BRWD1: variants seen among roughly 807,000 people sequenced by gnomAD.
The protein encoded by BRWD1 is bromodomain and WD repeat domain containing 1.
BRWD1 carries 82 observed loss-of-function variants against 251.2 expected under a neutral mutation model. The observed-to-expected ratio is 0.33, with a 90% CI of 0.27 to 0.39. The LOEUF (loss-of-function observed/expected upper bound fraction) is 0.39. Ranked by LOEUF, BRWD1 falls within the 10% of genes least tolerant of loss-of-function variation. BRWD1 has a pLI of 1.00. For missense variants in BRWD1, 2,233 were observed against 2,711.6 expected (o/e 0.82, Z 3.92); for synonymous variants, 918 against 902.8 (o/e 1.02, Z -0.30).
intron 13 of BRWD1, among the ~76,000 whole-genome samples, chr21:39,272,692 C>T (rs1009700048): frequency 2.7e-5 from 4 of 150,852 alleles, no homozygotes; most frequent in Non-Finnish European, 5.9e-5. Context: ...ACTGAAACCT[C>T]TATCTCCTGG....
At chr21:39,268,049 A>G (rs997228037) in intron 15 of BRWD1, among the ~76,000 whole-genome samples, 1 of 152,258 alleles carries the variant, frequency 6.6e-6, no homozygotes, top group African/African-American at 2.4e-5. Flanking sequence ...CACTGTGTGC[A>G]AAGACACCAA....
In BRWD1 at chr21:39,264,303, T is replaced by C. The variant is rs183731950; in HGVS notation, c.1885+157A>G. 2.7e-3 allele frequency among the ~76,000 whole-genome samples: 407 copies of C among 151,894 alleles called. 2 individuals are homozygous for C. The highest frequency in any genetic ancestry group is 9.5e-3 in the African/African-American group (395 of 41,436). On this transcript the variant is annotated intron_variant, in intron 17 of 40. Coordinates refer to ENST00000342449, the MANE Select transcript of BRWD1 (RefSeq NM_033656.4). The stretch of plus-strand genomic sequence containing the variant: ...GTAAATGGTACATGAGGTCCAGAAG[T>C]TAAATGGTTCAAAACAATACACAGA...
intron 17 of BRWD1, among the ~76,000 whole-genome samples, chr21:39,259,000 C>G (rs1299929617): frequency 6.6e-6 from 1 of 152,184 alleles, no homozygotes; most frequent in Non-Finnish European, 1.5e-5. Context: ...ATATATTTCA[C>G]TAAAATCTTA....
Position 39,192,736 on chromosome 21 carries a change from T to C in BRWD1, c.*3523A>G, listed in dbSNP as rs2031616285. On this transcript the variant is annotated 3_prime_UTR_variant, in exon 41 of 41. Coordinates refer to ENST00000342449, the MANE Select transcript of BRWD1 (RefSeq NM_033656.4). ...ATTTAAAAGTTACTCAAAAAATTGA[T>C]ACAATGGAGTGGAAAGGAAAACAAA... The C allele has an allele frequency of 1.0e-6, 1 of 984,988 alleles. No homozygotes were observed. The allele number at this position is 984,988 out of a possible 1,614,324, so 61.0% of individuals were successfully genotyped here. A position where few individuals can be genotyped will look rare whatever the true frequency, so the allele number is the denominator to read the frequency against.
intron 4 of BRWD1, among the ~76,000 whole-genome samples, chr21:39,311,704 A>C (rs893539971): frequency 1.3e-5 from 2 of 152,240 alleles, no homozygotes; most frequent in Non-Finnish European, 2.9e-5. Context: ...TTTAGAACTC[A>C]TTCCCTTGAA....
intron 23 of BRWD1, 132 bp from the exon 24 acceptor site, chr21:39,232,630 A>C (rs1416630216): frequency 2.1e-6 from 2 of 972,514 alleles, no homozygotes; most frequent in Non-Finnish European, 3.0e-6. Flanking sequence ...ATTAGTTTTC[A>C]CACAGCATAT....
In BRWD1 at chr21:39,199,299, T is replaced by A; in HGVS notation, c.5117A>T (p.His1706Leu). 1 of 1,614,238 alleles carries A rather than the reference T, an allele frequency of 6.2e-7. No homozygotes were observed. The highest frequency in any genetic ancestry group is 2.2e-5 in the East Asian group (1 of 44,888). ...TTCATCAACATTGCTCTGGGCAGTG[T>A]GAGAACTGGACACTGGTAATAGTTG... The part of the protein sequence containing the change: ...ENQLLPVSSS[H>L]TAQSNVDESE... Residue 1706 changes from histidine to leucine, a missense_variant, in exon 40 of 41, where the codon CAC becomes CTC. Physicochemically the swap from His to Leu is moderately conservative, Grantham distance 99. Around this residue, in one of 12 missense-constraint regions of BRWD1, gnomAD observed 928 missense variants for 970.0 expected, o/e 0.96. Coordinates refer to ENST00000342449, the MANE Select transcript of BRWD1 (RefSeq NM_033656.4).
chr21:39,191,176 G>C lies in BRWD1; in HGVS notation c.*5083C>G, dbSNP rs2031532384. On this transcript the variant is annotated 3_prime_UTR_variant, in exon 41 of 41. Transcript: ENST00000342449. ...CAATCTACCCTATTACTGTACTACT[G>C]GAAAGAAACCAGGCCACAGACAATC... 1 of 985,146 alleles carries C rather than the reference G, an allele frequency of 1.0e-6. No individual in the cohort carries two copies. Among genetic ancestry groups the C allele is most frequent in the Admixed American group, 6.2e-5 (1 of 16,250 alleles). 61.0% of individuals were successfully genotyped at this position (985,146 alleles called of 1,614,324 possible).
At chr21:39,304,685 G>A (rs955075597) in intron 4 of BRWD1, among the ~76,000 whole-genome samples, 3 of 151,978 alleles carry the variant, frequency 2.0e-5, no homozygotes, top group African/African-American at 4.8e-5. Context: ...CGCTGTTTAC[G>A]GGAGATAAAC....
At chr21:39,207,589 G>A (rs1302160547) in intron 36 of BRWD1, among the ~76,000 whole-genome samples, 1 of 152,082 alleles carries the variant, frequency 6.6e-6, no homozygotes, top group Non-Finnish European at 1.5e-5. Flanking sequence ...ATGGAAAACA[G>A]TGTAGTGGTT....
chr21:39,188,957 CTTCA>C lies in BRWD1; in HGVS notation c.*7298_*7301del. On this transcript the variant is annotated 3_prime_UTR_variant, in exon 41 of 41. Coordinates refer to ENST00000342449, the MANE Select transcript of BRWD1 (RefSeq NM_033656.4). ...CTCTCATGCAGCATGCCCTTACCTC[CTTCA>C]GCTGGACTCTGTGGGAAGAGAAGTG... 1.0e-6 allele frequency: 1 copy of C among 985,350 alleles called. No homozygotes were observed. The highest frequency in any genetic ancestry group is 1.2e-6 in the Non-Finnish European group (1 of 829,900). The allele number at this position is 985,350 out of a possible 1,614,324, so 61.0% of individuals were successfully genotyped here.
chr21:39,202,859 T>C (rs1568861252), intron 37 of BRWD1, among the ~76,000 whole-genome samples: 1 of 152,202 alleles, frequency 6.6e-6, no homozygotes, highest in Non-Finnish European at 1.5e-5. Flanking sequence ...ATTTACGTAA[T>C]ATAGGTATTC....
At position 39,207,485 on chromosome 21, in the gene BRWD1, A is replaced by AC. The variant is rs1350272514; in HGVS notation, c.4198-1212_4198-1211insG. Among the ~76,000 whole-genome samples, 488 of 120,182 alleles carry AC rather than the reference A, an allele frequency of 4.1e-3. 4 individuals are homozygous for AC. Among genetic ancestry groups the AC allele is most frequent in the African/African-American group, 9.2e-3 (280 of 30,560 alleles). 78.8% of individuals were successfully genotyped at this position (120,182 alleles called of 152,430 possible). On this transcript the variant is annotated intron_variant, in intron 36 of 40. Transcript: ENST00000342449. ...ACACACACACACACACACACACACA[A>AC]ACAAAACTCCAAAAACAACAAGTGT...
At chr21:39,231,058 T>G (rs946592543) in intron 25 of BRWD1, among the ~76,000 whole-genome samples, 5 of 152,188 alleles carry the variant, frequency 3.3e-5, no homozygotes, top group Admixed American at 3.3e-4. Context: ...CCAATGTATA[T>G]AAAGCCTAAC....
intron 27 of BRWD1, among the ~76,000 whole-genome samples, chr21:39,227,722 A>G (rs553156382): frequency 6.6e-6 from 1 of 152,294 alleles, no homozygotes; most frequent in African/African-American, 2.4e-5. Flanking sequence ...ATTTAAGTCT[A>G]CGTTGTTATG....
chr21:39,197,088 C>CA lies in BRWD1; in HGVS notation c.5980dup (p.Cys1994LeufsTer2). On this transcript the variant is annotated frameshift_variant, in exon 41 of 41. Transcript: ENST00000342449. LOFTEE classifies it low-confidence loss of function (END_TRUNC). ...GTCAGGATCAGGTGGCTTGCCTTCACAGGCATACTGTTCACTTGGTACTTC... is the reference window on the plus strand; with the variant it reads ...GTCAGGATCAGGTGGCTTGCCTTCACAAGGCATACTGTTCACTTGGTACTTC... 2 of 1,614,150 alleles carry CA rather than the reference C, an allele frequency of 1.2e-6. No homozygotes were observed. The highest frequency in any genetic ancestry group is 1.7e-6 in the Non-Finnish European group (2 of 1,179,972).
intron 36 of BRWD1, among the ~76,000 whole-genome samples, chr21:39,207,112 T>TGACAGTTA (rs1314211611): frequency 6.6e-6 from 1 of 152,202 alleles, no homozygotes; most frequent in African/African-American, 2.4e-5. Context: ...AAATGATCTT[T>TGACAGTTA]GACAGTTATT....
intron 1 of BRWD1, among the ~76,000 whole-genome samples, chr21:39,318,927 C>T (rs192106694): frequency 1.3e-5 from 2 of 152,220 alleles, no homozygotes; most frequent in East Asian, 1.9e-4. Context: ...GTTAACACTT[C>T]GATAGATTTT....
At chr21:39,198,106 A>G (rs773379271) in intron 40 of BRWD1, among the ~76,000 whole-genome samples, 2 of 152,106 alleles carry the variant, frequency 1.3e-5, no homozygotes, top group African/African-American at 2.4e-5. Flanking sequence ...CCAAGCTCCA[A>G]TCACACAATT....
Sources: gnomAD v4.1 joint callset for allele counts (sites outside exome capture counted in the v4.1 genomes callset) on GRCh38, gnomAD v4.1.1 for gene constraint, gnomAD v4.1.1 regional missense constraint, MANE v1.5 for transcripts, NCBI Gene and HGNC (gene_info 2026-07-23, HGNC 2026-07-21) for gene names.